Variants in KCNC2 observed in about 807,000 individuals in gnomAD.
KCNC2 encodes the protein voltage-gated potassium channel KCNC2.
KCNC2 carries 21 observed loss-of-function variants against 44.5 expected under a neutral mutation model. The observed-to-expected ratio is 0.47, with a 90% CI of 0.33 to 0.68. KCNC2 has a LOEUF of 0.68. KCNC2 is among the 30% of genes least tolerant of loss of function. KCNC2 has a pLI of 0.01. For synonymous variants in KCNC2, 391 were observed against 339.1 expected (o/e 1.15, Z -1.68); for missense variants, 589 against 826.2 (o/e 0.71, Z 3.52).
intron 2 of KCNC2, among the ~76,000 whole-genome samples, chr12:75,052,681 T>C (rs930829674): frequency 6.6e-5 from 10 of 152,086 alleles, no homozygotes; most frequent in African/African-American, 2.2e-4. Context: ...AAGCATGCCA[T>C]TGGGAAGAGC....
intron 2 of KCNC2, among the ~76,000 whole-genome samples, chr12:75,135,125 T>C (rs1265982268): frequency 6.6e-6 from 1 of 152,006 alleles, no homozygotes; most frequent in Non-Finnish European, 1.5e-5. Context: ...GGGTTACAAA[T>C]TCCTGTTCCT....
intron 2 of KCNC2, among the ~76,000 whole-genome samples, chr12:75,197,736 A>C (rs2030898607): frequency 6.6e-6 from 1 of 151,966 alleles, no homozygotes; most frequent in Non-Finnish European, 1.5e-5. Flanking sequence ...GAATGTACAA[A>C]TCCTGACAAC....
intron 2 of KCNC2, among the ~76,000 whole-genome samples, chr12:75,097,066 T>C (rs1365265009): frequency 1.3e-5 from 2 of 151,878 alleles, no homozygotes; most frequent in Non-Finnish European, 2.9e-5. Flanking sequence ...TGTTATACAG[T>C]GATAACAAGG....
At chr12:75,135,086 G>C (rs1176829970) in intron 2 of KCNC2, among the ~76,000 whole-genome samples, 1 of 151,826 alleles carries the variant, frequency 6.6e-6, no homozygotes, top group Non-Finnish European at 1.5e-5. Context: ...AAGTCACTAA[G>C]CCAAGATTTT....
At chr12:75,054,584 C>T (rs12320117) in intron 2 of KCNC2, among the ~76,000 whole-genome samples, 4,913 of 152,148 alleles carry the variant, frequency 0.032, 238 homozygotes, top group African/African-American at 0.11. Context: ...ATAAAATGAG[C>T]TTGATGTTGA....
At chr12:75,080,411 G>GA (rs918517793) in intron 2 of KCNC2, among the ~76,000 whole-genome samples, 77 of 145,498 alleles carry the variant, frequency 5.3e-4, no homozygotes, top group Non-Finnish European at 8.8e-4. Flanking sequence ...AAAAGAAGGA[G>GA]AAAAAAAAAA....
At chr12:75,078,317 A>T (rs975604239) in intron 2 of KCNC2, among the ~76,000 whole-genome samples, 1 of 152,186 alleles carries the variant, frequency 6.6e-6, no homozygotes, top group African/African-American at 2.4e-5. Flanking sequence ...GTTTCAGGAT[A>T]CATCTTTATA....
chr12:75,063,888 C>A (rs1009233976), intron 2 of KCNC2, among the ~76,000 whole-genome samples: 1 of 152,086 alleles, frequency 6.6e-6, no homozygotes, highest in African/African-American at 2.4e-5. Flanking sequence ...CATGCCAGCA[C>A]TTCCTTACCT....
At chr12:75,090,770 C>A (rs933652839) in intron 2 of KCNC2, among the ~76,000 whole-genome samples, 2 of 148,164 alleles carry the variant, frequency 1.3e-5, no homozygotes, top group Non-Finnish European at 1.5e-5. Context: ...TTGTTAATAT[C>A]ATCATTATCA....
chr12:75,190,722 T>G (rs949687427), intron 2 of KCNC2, among the ~76,000 whole-genome samples: 2 of 152,134 alleles, frequency 1.3e-5, no homozygotes, highest in Non-Finnish European at 2.9e-5. Context: ...GGAAAATATA[T>G]AGCATATTAC....
At position 75,130,601 on chromosome 12, in the gene KCNC2, C is replaced by T. The variant is rs535863994; in HGVS notation, c.687+76696G>A. On this transcript the variant is annotated intron_variant, in intron 2 of 4. Transcript: ENST00000549446. ...TTATTATAACATAGAAAGTGATGAA[C>T]ACATCAATAAGAAATTATTATAAGG... 4.6e-5 allele frequency among the ~76,000 whole-genome samples: 7 copies of T among 152,142 alleles called. No individual in the cohort carries two copies. In the East Asian group the frequency reaches 1.2e-3, roughly 25 times the overall value.
chr12:75,144,733 C>A (rs1174735847), intron 2 of KCNC2, among the ~76,000 whole-genome samples: 2 of 151,856 alleles, frequency 1.3e-5, no homozygotes, highest in Non-Finnish European at 2.9e-5. Context: ...TTTATAAATA[C>A]TTATACCTTG....
chr12:75,198,339 A>G (rs2030952620), intron 2 of KCNC2, among the ~76,000 whole-genome samples: 1 of 151,884 alleles, frequency 6.6e-6, no homozygotes, highest in Non-Finnish European at 1.5e-5. Flanking sequence ...GCCTAATTAT[A>G]AAGTTATAAT....
At chr12:75,188,191 G>T (rs999752556) in intron 2 of KCNC2, among the ~76,000 whole-genome samples, 4 of 152,060 alleles carry the variant, frequency 2.6e-5, no homozygotes, top group Admixed American at 1.3e-4. Flanking sequence ...AGGAGTTATC[G>T]ATCTTTATTT....
intron 2 of KCNC2, among the ~76,000 whole-genome samples, chr12:75,129,012 G>T (rs1888641644): frequency 6.6e-6 from 1 of 152,160 alleles, no homozygotes; most frequent in Non-Finnish European, 1.5e-5. Context: ...GGAGAAACAG[G>T]CCAAATAGCC....
chr12:75,053,496 CA>C (rs1283709959), intron 2 of KCNC2, among the ~76,000 whole-genome samples: 1 of 151,882 alleles, frequency 6.6e-6, no homozygotes, highest in African/African-American at 2.4e-5. Context: ...ATCTAAGACA[CA>C]AAACTTTGAA....
At chr12:75,054,290 G>A (rs769832301) in intron 2 of KCNC2, among the ~76,000 whole-genome samples, 1 of 151,302 alleles carries the variant, frequency 6.6e-6, no homozygotes, top group Non-Finnish European at 1.5e-5. Flanking sequence ...AAAAACGCTT[G>A]TCATAATCTG....
chr12:75,187,735 A>G (rs1893048414), intron 2 of KCNC2, among the ~76,000 whole-genome samples: 1 of 152,176 alleles, frequency 6.6e-6, no homozygotes, highest in African/African-American at 2.4e-5. Flanking sequence ...AAGTCACACC[A>G]TAAATATAAT....
intron 2 of KCNC2, among the ~76,000 whole-genome samples, chr12:75,076,475 T>C (rs1883991700): frequency 1.3e-5 from 2 of 152,204 alleles, no homozygotes; most frequent in Admixed American, 1.3e-4. Context: ...GTTTTCACCA[T>C]GTTAGCCAGG....
Sources: gnomAD v4.1 joint callset for allele counts (sites outside exome capture counted in the v4.1 genomes callset) on GRCh38, gnomAD v4.1.1 for gene constraint, MANE v1.5 for transcripts, NCBI Gene and HGNC (gene_info 2026-07-23, HGNC 2026-07-21) for gene names.